The following OTUD7A variants were observed in gnomAD, a reference collection of about 807,000 sequenced individuals.
OTUD7A encodes OTU deubiquitinase 7A.
Under a neutral mutation model 65.7 loss-of-function variants are expected in OTUD7A, and 12 were observed. The observed-to-expected ratio is 0.18, with a 90% CI of 0.12 to 0.30. The LOEUF is 0.30. Among genes scored for constraint, OTUD7A ranks in the 10% least tolerant of loss-of-function variants. OTUD7A has a pLI of 1.00. For synonymous variants in OTUD7A, 641 were observed against 586.3 expected, an observed-to-expected ratio of 1.09 and a Z score of -1.35; for missense variants, 1,148 against 1,304.8, an observed-to-expected ratio of 0.88 and a Z score of 1.85.
Position 31,487,507 on chromosome 15 carries a change from G to C in OTUD7A, c.1231C>G (p.Pro411Ala). The C allele has an allele frequency of 6.2e-7, 1 of 1,614,076 alleles. No individual in the cohort carries two copies. Among genetic ancestry groups the C allele is most frequent in the Non-Finnish European group, 8.5e-7 (1 of 1,180,022 alleles). Residue 411 changes from proline to alanine, a missense_variant, in exon 11 of 13, where the codon CCT becomes GCT. Around this residue, in one of 6 missense-constraint regions of OTUD7A, gnomAD observed 842 missense variants for 769.5 expected, o/e 1.09. Coordinates refer to ENST00000307050, the MANE Select transcript of OTUD7A (RefSeq NM_001382637.1). The surrounding 1 kb of genome is among the most constrained non-coding windows in gnomAD (Gnocchi z 6.0). ...TTCCCCCACTCCCAGTCCTTGCCAGGGTCCACTGCAAAGTGCAGAGGCAGC... is the reference window on the plus strand; with the variant it reads ...TTCCCCCACTCCCAGTCCTTGCCAGCGTCCACTGCAAAGTGCAGAGGCAGC... Reference protein sequence around the residue: ...KLLPLHFAVDPGKDWEWGKDD... With the variant: ...KLLPLHFAVDAGKDWEWGKDD...
intron 1 of OTUD7A, among the ~76,000 whole-genome samples, chr15:31,717,150 G>C (rs942584827): frequency 2.6e-5 from 4 of 152,094 alleles, no homozygotes; most frequent in Non-Finnish European, 5.9e-5. Flanking sequence ...GTTGTTTTCT[G>C]TCCAGGATCC....
At chr15:31,622,379 G>T (rs12914867) in intron 3 of OTUD7A, among the ~76,000 whole-genome samples, 27,059 of 151,944 alleles carry the variant, frequency 0.18, 2,622 homozygotes, top group East Asian at 0.25. Flanking sequence ...GGTTCCATTC[G>T]CCCCCTCACT....
chr15:31,758,839 A>G (rs1445026302), intron 1 of OTUD7A, among the ~76,000 whole-genome samples: 1 of 152,008 alleles, frequency 6.6e-6, no homozygotes, highest in Non-Finnish European at 1.5e-5. Context: ...TTACCATACA[A>G]AAAAAACTGG....
chr15:31,842,292 T>C (rs993153067), intron 1 of OTUD7A, among the ~76,000 whole-genome samples: 19 of 152,302 alleles, frequency 1.2e-4, no homozygotes, highest in African/African-American at 4.3e-4. Context: ...GATTATGAGG[T>C]GTGCTCAGTT....
At chr15:31,628,262 T>C (rs141447334) in intron 3 of OTUD7A, among the ~76,000 whole-genome samples, 2,103 of 152,342 alleles carry the variant, frequency 0.014, 23 homozygotes, top group Non-Finnish European at 0.023. Context: ...CTTGAATTAA[T>C]TTTTGTAAAG....
intron 1 of OTUD7A, among the ~76,000 whole-genome samples, chr15:31,824,023 C>A (rs1254635914): frequency 1.3e-5 from 2 of 152,152 alleles, no homozygotes; most frequent in African/African-American, 2.4e-5. Flanking sequence ...ATCTTACAGG[C>A]TGGTTAGGTA....
At chr15:31,655,355 C>T in intron 2 of OTUD7A, 105 bp from the exon 3 acceptor site, 1 of 569,686 alleles carries the variant, frequency 1.8e-6, no homozygotes, top group Non-Finnish European at 3.1e-6. Flanking sequence ...AGGGTGGAGC[C>T]ATTTCCACCT....
At chr15:31,515,483 T>C (rs2041831305) in intron 8 of OTUD7A, among the ~76,000 whole-genome samples, 1 of 152,166 alleles carries the variant, frequency 6.6e-6, no homozygotes, top group African/African-American at 2.4e-5. Flanking sequence ...GAGCACTTAC[T>C]ATACACTGGT....
chr15:31,796,260 AG>A (rs34034845), intron 1 of OTUD7A, among the ~76,000 whole-genome samples: 6,289 of 151,908 alleles, frequency 0.041, 197 homozygotes, highest in Middle Eastern at 0.078. Flanking sequence ...CTATCTTTCT[AG>A]AGAGATTTAA....
At chr15:31,815,791 T>C (rs747870911) in intron 1 of OTUD7A, among the ~76,000 whole-genome samples, 3 of 152,248 alleles carry the variant, frequency 2.0e-5, no homozygotes, top group Non-Finnish European at 2.9e-5. Context: ...GACACATAAA[T>C]GTACGCATTC....
At chr15:31,658,222 G>A (rs1179994094) in intron 1 of OTUD7A, among the ~76,000 whole-genome samples, 1 of 152,028 alleles carries the variant, frequency 6.6e-6, no homozygotes, top group Non-Finnish European at 1.5e-5. Flanking sequence ...AAATGTACTG[G>A]CCCATAGTAC....
intron 5 of OTUD7A, among the ~76,000 whole-genome samples, chr15:31,550,393 C>A (rs749054309): frequency 6.6e-6 from 1 of 152,196 alleles, no homozygotes; most frequent in Non-Finnish European, 1.5e-5. Context: ...GTCTGTAAGA[C>A]ACCTGCTTTG....
chr15:31,739,652 G>A (rs1256223301), intron 1 of OTUD7A, among the ~76,000 whole-genome samples: 1 of 152,088 alleles, frequency 6.6e-6, no homozygotes, highest in African/African-American at 2.4e-5. Context: ...GAGTGCAGTG[G>A]CACCATCTCA....
chr15:31,629,629 C>T (rs1891078346), intron 3 of OTUD7A, among the ~76,000 whole-genome samples: 1 of 152,106 alleles, frequency 6.6e-6, no homozygotes, highest in Non-Finnish European at 1.5e-5. Context: ...GGGAGGATTC[C>T]CTCTTTTTCT....
intron 8 of OTUD7A, among the ~76,000 whole-genome samples, chr15:31,525,538 CGCT>C (rs1262403150): frequency 6.6e-6 from 1 of 152,224 alleles, no homozygotes; most frequent in African/African-American, 2.4e-5. Context: ...CCCAGTTGCC[CGCT>C]GCAGGGCCCA....
In OTUD7A at chr15:31,570,127, C is replaced by T. The variant is rs369843297; in HGVS notation, c.222G>A (p.Leu74=). ...EQLRQVHTAN[L]PHVFNEGRGP... is the part of the protein sequence containing the mutation. ...CCCGCCCTTCATTGAACACATGTGG[C>T]AGATTGGCTGTGTGCACCTGGCGGA... The change falls in exon 4 of 13, where the codon CTG becomes CTA. Residue 74 remains leucine, a synonymous_variant. Coordinates refer to ENST00000307050, the MANE Select transcript of OTUD7A (RefSeq NM_001382637.1). 4.1e-5 allele frequency: 66 copies of T among 1,614,080 alleles called. No homozygotes were observed. Among genetic ancestry groups the T allele is most frequent in the Non-Finnish European group, 5.3e-5 (63 of 1,180,038 alleles).
intron 3 of OTUD7A, among the ~76,000 whole-genome samples, chr15:31,590,905 C>T (rs376138638): frequency 6.6e-6 from 1 of 152,142 alleles, no homozygotes; most frequent in African/African-American, 2.4e-5. Flanking sequence ...GCTCCCTGTA[C>T]GTGCAGGCAT....
intron 5 of OTUD7A, among the ~76,000 whole-genome samples, chr15:31,551,385 C>G (rs950633960): frequency 2.6e-5 from 4 of 152,188 alleles, no homozygotes; most frequent in Non-Finnish European, 5.9e-5. Flanking sequence ...GACATAACCA[C>G]AGAACAGGAA....
intron 1 of OTUD7A, among the ~76,000 whole-genome samples, chr15:31,782,625 G>A (rs771899673): frequency 5.9e-5 from 9 of 152,196 alleles, no homozygotes; most frequent in Non-Finnish European, 7.3e-5. Context: ...ACTGGCCAGA[G>A]GCGCTGGGAC....
Sources: gnomAD v4.1 joint callset for allele counts (sites outside exome capture counted in the v4.1 genomes callset) on GRCh38, gnomAD v4.1.1 for gene constraint, gnomAD v4.1.1 regional missense constraint, Gnocchi (gnomAD v3.1) non-coding constraint, MANE v1.5 for transcripts, NCBI Gene and HGNC (gene_info 2026-07-23, HGNC 2026-07-21) for gene names.